Variants in RRP12 observed in about 807,000 individuals in gnomAD.
RRP12 encodes the protein RRP12-like protein.
Under a neutral mutation model 157.3 loss-of-function variants are expected in RRP12, and 78 were observed. The observed-to-expected ratio is 0.50, with a 90% CI of 0.41 to 0.60. The LOEUF (loss-of-function observed/expected upper bound fraction) is 0.60. Among genes scored for constraint, RRP12 ranks in the 20% least tolerant of loss-of-function variants. The probability of loss-of-function intolerance (pLI) is 0.00; values close to 1 mark genes in which losing one functional copy is unlikely to be tolerated. For missense variants in RRP12, 1,521 were observed against 1,679.9 expected (o/e 0.91, Z 1.65); for synonymous variants, 726 against 670.9 (o/e 1.08, Z -1.27).
chr10:97,369,757 C>T (rs1589417437), intron 24 of RRP12, among the ~76,000 whole-genome samples, 175 bp from the exon 25 acceptor site: 1 of 152,234 alleles, frequency 6.6e-6, no homozygotes, highest in Admixed American at 6.5e-5. Context: ...CCTTTCGTCA[C>T]CCTGAGGTGG....
At chr10:97,371,843 A>C (rs575491330) in intron 20 of RRP12, 57 of 460,646 alleles carry the variant, frequency 1.2e-4, no homozygotes, top group African/African-American at 9.6e-4. Flanking sequence ...GTTCTACAAG[A>C]GTCACTCAGC....
At chr10:97,384,763 G>C (rs1159106361) in intron 10 of RRP12, among the ~76,000 whole-genome samples, 3 of 146,782 alleles carry the variant, frequency 2.0e-5, no homozygotes, top group Non-Finnish European at 4.5e-5. Flanking sequence ...AGCCAGGATG[G>C]AGACCCTGAG....
At chr10:97,388,946 G>A (rs541375895) in intron 6 of RRP12, among the ~76,000 whole-genome samples, 60 of 152,192 alleles carry the variant, frequency 3.9e-4, no homozygotes, top group Non-Finnish European at 6.8e-4. Flanking sequence ...GGCAAACACT[G>A]TGTGTCCACC....
At chr10:97,399,044 C>T (rs767255689) in intron 2 of RRP12, among the ~76,000 whole-genome samples, 12 of 152,078 alleles carry the variant, frequency 7.9e-5, no homozygotes, top group Non-Finnish European at 1.3e-4. Flanking sequence ...GAGGCCGAGG[C>T]GGGTGGATCA....
intron 17 of RRP12, 98 bp downstream of exon 17, chr10:97,373,477 T>G: frequency 7.5e-7 from 1 of 1,328,422 alleles, no homozygotes; most frequent in Non-Finnish European, 1.0e-6. Context: ...GAGGTGAGTT[T>G]CTGTGGCTCT....
At chr10:97,376,212 C>CT (rs771016888) in intron 15 of RRP12, among the ~76,000 whole-genome samples, 2,110 of 107,444 alleles carry the variant, frequency 0.02, 106 homozygotes, top group Middle Eastern at 0.075. Context: ...CTTTTACTTT[C>CT]TTTTTTTTTT....
rs763046165 is a variant in RRP12 at position 97,401,275 on chromosome 10, C to A, written c.-44G>T. 7 of 1,611,220 alleles carry A rather than the reference C, an allele frequency of 4.3e-6. No homozygotes were observed. Among genetic ancestry groups the A allele is most frequent in the Non-Finnish European group, 5.9e-6 (7 of 1,177,900 alleles). ...AGGAATGAGCTTAAATGACCGGCTTCCAGGGACGTAGAAACACGCTCAGAA... is the reference window on the plus strand; with the variant it reads ...AGGAATGAGCTTAAATGACCGGCTTACAGGGACGTAGAAACACGCTCAGAA... On this transcript the variant is annotated 5_prime_UTR_variant, in exon 1 of 34. Transcript: ENST00000370992.
intron 22 of RRP12, 50 bp from the exon 23 acceptor site, chr10:97,370,610 G>A: frequency 6.3e-7 from 1 of 1,589,220 alleles, no homozygotes; most frequent in South Asian, 1.1e-5. Context: ...ATCTGCCCGG[G>A]AAGCGAATCG....
Position 97,400,297 on chromosome 10 carries a change from G to GC in RRP12, c.369+7dup, listed in dbSNP as rs761953825. 2.5e-6 allele frequency: 4 copies of GC among 1,609,948 alleles called. No individual in the cohort carries two copies. In the East Asian group the frequency reaches 8.9e-5, roughly 36 times the overall value. On this transcript the variant is annotated splice_region_variant and intron_variant, in intron 2 of 33. Coordinates refer to ENST00000370992, the MANE Select transcript of RRP12 (RefSeq NM_015179.4). The stretch of plus-strand genomic sequence containing the variant: ...CTATCCTATGGCCCTCCCGACCCTC[G>GC]CCCCTACCTCCTTGTGGGCAGCCGA...
In RRP12 at chr10:97,373,118, G is replaced by A. The variant is rs200409842; in HGVS notation, c.2109C>T (p.Ala703=). ...CCCGGCGAGGGGCTGGAGTGTCCCC[G>A]GCTGCCACGGGCTGCCCATACAGGT... is the stretch of plus-strand genomic sequence containing the variant. ...LFNLYGQPVA[A]GDTPAPRRAV... Residue 703 remains alanine (A), a synonymous_variant, in exon 18 of 34, where the codon GCC becomes GCT. Coordinates refer to ENST00000370992, the MANE Select transcript of RRP12 (RefSeq NM_015179.4). 1.2e-5 allele frequency: 19 copies of A among 1,614,110 alleles called. No homozygotes were observed. Among genetic ancestry groups the A allele is most frequent in the African/African-American group, 8.0e-5 (6 of 75,052 alleles).
At chr10:97,374,544 G>A (rs369734090) in intron 15 of RRP12, among the ~76,000 whole-genome samples, 4 of 151,772 alleles carry the variant, frequency 2.6e-5, no homozygotes, top group East Asian at 2.0e-4. Flanking sequence ...AGGCTGAGGC[G>A]GGCAGATCAT....
intron 14 of RRP12, 50 bp downstream of exon 14, chr10:97,379,578 G>C (rs186017046): frequency 1.3e-5 from 21 of 1,605,982 alleles, no homozygotes; most frequent in African/African-American, 1.2e-4. Flanking sequence ...CTTTCCAGGG[G>C]AGAGAACAAG....
chr10:97,385,735 T>A (rs2297667), intron 9 of RRP12, among the ~76,000 whole-genome samples, 160 bp downstream of exon 9: 62,683 of 151,946 alleles, frequency 0.41, 13,972 homozygotes, highest in African/African-American at 0.59. Flanking sequence ...TGATGGCTGG[T>A]CTCCAATCTT....
At chr10:97,401,035 GGACCCA>G in intron 1 of RRP12, 52 bp downstream of exon 1, 1 of 1,591,070 alleles carries the variant, frequency 6.3e-7, no homozygotes, top group Non-Finnish European at 8.5e-7. Flanking sequence ...AGACTCATCT[GGACCCA>G]GGTCTGCCTG....
At position 97,381,309 on chromosome 10, in the gene RRP12, G is replaced by A. The variant is rs534205867; in HGVS notation, c.1418+77C>T. The stretch of plus-strand genomic sequence containing the variant: ...GCAGGCCTGGCCCACAGTAGGTGGA[G>A]AGTGGAGCATTCGTATTATATAGAA... On this transcript the variant is annotated intron_variant, in intron 12 of 33. Transcript: ENST00000370992. 10 of 1,039,994 alleles carry A rather than the reference G, an allele frequency of 9.6e-6. No individual in the cohort carries two copies. The South Asian group carries it at 1.3e-4, about 14-fold the overall frequency. The allele number at this position is 1,039,994 out of a possible 1,614,324, so 64.4% of individuals were successfully genotyped here.
At chr10:97,361,290 A>C (rs957344884) in intron 30 of RRP12, among the ~76,000 whole-genome samples, 1 of 152,214 alleles carries the variant, frequency 6.6e-6, no homozygotes, top group African/African-American at 2.4e-5. Flanking sequence ...AGGCAGTCCA[A>C]GGGAAGGAGG....
In RRP12 at chr10:97,400,359, G is replaced by T. The variant is rs537074403; in HGVS notation, c.315C>A (p.Val105=). 4 of 1,613,866 alleles carry T rather than the reference G, an allele frequency of 2.5e-6. No individual in the cohort carries two copies. Among genetic ancestry groups the T allele is most frequent in the Non-Finnish European group, 3.4e-6 (4 of 1,179,996 alleles). The change falls in exon 2 of 34, where the codon GTC becomes GTA. Residue 105 remains valine (V), a synonymous_variant. Coordinates refer to ENST00000370992, the MANE Select transcript of RRP12 (RefSeq NM_015179.4). The part of the protein sequence containing the change: ...FLSGLSDCTN[V]TFSKVQRFWE... ...AGAAGCGCTGTACTTTGCTGAAGGT[G>T]ACGTTTGTGCAGTCGGAAAGGCCAC... is the stretch of plus-strand genomic sequence containing the variant.
intron 10 of RRP12, among the ~76,000 whole-genome samples, chr10:97,382,490 A>G (rs1844498666): frequency 2.0e-5 from 3 of 152,196 alleles, no homozygotes; most frequent in African/African-American, 7.2e-5. Context: ...CACTGATATA[A>G]CATACATTCA....
intron 18 of RRP12, 93 bp downstream of exon 18, chr10:97,372,953 C>A: frequency 6.8e-7 from 1 of 1,469,164 alleles, no homozygotes. Context: ...CACAGAGACC[C>A]ACGTGAGCCC....
Sources: allele counts gnomAD v4.1 joint callset (sites outside exome capture counted in the v4.1 genomes callset), GRCh38; gene constraint gnomAD v4.1.1; transcripts MANE v1.5; gene names NCBI Gene and HGNC (gene_info 2026-07-23, HGNC 2026-07-21).